The following SYT1 variants were observed in gnomAD, a reference collection of about 807,000 sequenced individuals.
SYT1 encodes synaptotagmin 1.
Under a neutral mutation model 44.8 loss-of-function variants are expected in SYT1, and 8 were observed. The ratio of observed to expected loss-of-function variants is 0.18; its 90% CI spans 0.10 to 0.32. The LOEUF (loss-of-function observed/expected upper bound fraction) is 0.32. Among genes scored for constraint, SYT1 ranks in the 10% least tolerant of loss-of-function variants. The pLI is 1.00. For synonymous variants in SYT1, 154 were observed against 188.8 expected (o/e 0.82, Z 1.51); for missense variants, 286 against 509.3 (o/e 0.56, Z 4.22).
chr12:78,910,614 G>A (rs558587794), intron 1 of SYT1, among the ~76,000 whole-genome samples: 3 of 151,920 alleles, frequency 2.0e-5, no homozygotes, highest in African/African-American at 4.8e-5. Context: ...GAGTAAACAC[G>A]CAACAAGCAA....
intron 3 of SYT1, among the ~76,000 whole-genome samples, chr12:79,146,575 G>A (rs979036975): frequency 2.0e-5 from 3 of 152,186 alleles, no homozygotes; most frequent in Non-Finnish European, 4.4e-5. Flanking sequence ...TTTGAGTAGT[G>A]TGAAATGCTA....
intron 3 of SYT1, among the ~76,000 whole-genome samples, chr12:79,122,859 C>T (rs1399098710): frequency 6.6e-6 from 1 of 152,134 alleles, no homozygotes; most frequent in Non-Finnish European, 1.5e-5. Flanking sequence ...AGTTATAATT[C>T]TAACTGTTCA....
chr12:79,232,805 T>C (rs1402541812), intron 4 of SYT1, among the ~76,000 whole-genome samples: 2 of 152,132 alleles, frequency 1.3e-5, no homozygotes, highest in Non-Finnish European at 2.9e-5. Flanking sequence ...TCAAAGGCCC[T>C]CATATCAAGT....
At chr12:79,159,395 TTATCTG>T (rs1243757118) in intron 3 of SYT1, among the ~76,000 whole-genome samples, 5 of 152,186 alleles carry the variant, frequency 3.3e-5, no homozygotes, top group Non-Finnish European at 7.4e-5. Flanking sequence ...TAGTCCCCCC[TTATCTG>T]TGGATTGCTT....
chr12:79,218,511 A>G (rs1874952804), intron 4 of SYT1, among the ~76,000 whole-genome samples: 3 of 152,152 alleles, frequency 2.0e-5, no homozygotes, highest in Admixed American at 2.0e-4. Context: ...TTAGACCAAC[A>G]TCTCCCCAAT....
At chr12:79,189,828 C>G (rs1410474353) in intron 3 of SYT1, among the ~76,000 whole-genome samples, 1 of 152,132 alleles carries the variant, frequency 6.6e-6, no homozygotes, top group East Asian at 1.9e-4. Flanking sequence ...CACTTGAACC[C>G]AGGAGGCGGA....
intron 9 of SYT1, among the ~76,000 whole-genome samples, chr12:79,424,953 CTTTT>C (rs398040025): frequency 4.7e-5 from 4 of 85,248 alleles, no homozygotes; most frequent in East Asian, 3.4e-4. Flanking sequence ...TTTTCTTCTT[CTTTT>C]TTTTTTTTTT....
At chr12:79,036,542 G>C (rs1051824587) in intron 2 of SYT1, 1 of 151,726 alleles carries the variant, frequency 6.6e-6, no homozygotes, top group Non-Finnish European at 1.5e-5. Context: ...GATGCTAAAC[G>C]TGGAAGCAGG....
chr12:78,964,312 A>T (rs1879660231), intron 1 of SYT1, among the ~76,000 whole-genome samples: 1 of 152,204 alleles, frequency 6.6e-6, no homozygotes, highest in Non-Finnish European at 1.5e-5. Context: ...ATTATGTCAA[A>T]ACCCAACTTA....
chr12:79,179,253 TAG>T (rs1872227986), intron 3 of SYT1, among the ~76,000 whole-genome samples: 1 of 108,814 alleles, frequency 9.2e-6, no homozygotes, highest in African/African-American at 3.6e-5. Flanking sequence ...GATATAGATA[TAG>T]ATATAGATAT....
At chr12:79,131,202 T>A (rs1158451859) in intron 3 of SYT1, among the ~76,000 whole-genome samples, 1 of 152,032 alleles carries the variant, frequency 6.6e-6, no homozygotes, top group Admixed American at 6.6e-5. Context: ...GTTACATAGG[T>A]ATACATGTGC....
intron 4 of SYT1, among the ~76,000 whole-genome samples, chr12:79,249,088 C>CTTTCTTTTTTT (rs1877025840): frequency 8.4e-5 from 6 of 71,816 alleles, no homozygotes; most frequent in African/African-American, 3.7e-4. Flanking sequence ...TTACCTCTTT[C>CTTTCTTTTTTT]TTTTTTTTTT....
At chr12:79,298,633 A>G (rs1879987437) in intron 7 of SYT1, among the ~76,000 whole-genome samples, 2 of 152,310 alleles carry the variant, frequency 1.3e-5, no homozygotes, top group South Asian at 4.1e-4. Context: ...AATATTAAAA[A>G]TGTCACTAAT....
At chr12:79,314,586 T>C (rs1880990164) in intron 8 of SYT1, among the ~76,000 whole-genome samples, 1 of 152,284 alleles carries the variant, frequency 6.6e-6, no homozygotes, top group East Asian at 1.9e-4. Context: ...TTGGCAAAGA[T>C]GTGAAAAAAT....
intron 1 of SYT1, among the ~76,000 whole-genome samples, chr12:78,938,477 G>T (rs1878182656): frequency 6.6e-6 from 1 of 152,078 alleles, no homozygotes; most frequent in African/African-American, 2.4e-5. Flanking sequence ...CTATTATATT[G>T]CCTGTTTTAT....
At chr12:79,253,080 TA>T (rs1308931073) in intron 4 of SYT1, among the ~76,000 whole-genome samples, 1 of 152,132 alleles carries the variant, frequency 6.6e-6, no homozygotes, top group African/African-American at 2.4e-5. Context: ...AGGTTTCCAT[TA>T]TATCTTACTG....
At chr12:79,403,441 G>T (rs575442844) in intron 9 of SYT1, among the ~76,000 whole-genome samples, 9 of 152,272 alleles carry the variant, frequency 5.9e-5, no homozygotes, top group Admixed American at 5.2e-4. Flanking sequence ...CTCTTCTTCA[G>T]GGGAGGTCTT....
intron 5 of SYT1, among the ~76,000 whole-genome samples, chr12:79,291,493 C>T (rs1879579243): frequency 6.6e-6 from 1 of 152,076 alleles, no homozygotes; most frequent in Non-Finnish European, 1.5e-5. Flanking sequence ...ATATGTGAAA[C>T]ACAGGGAATT....
intron 4 of SYT1, among the ~76,000 whole-genome samples, chr12:79,258,081 G>A (rs558586549): frequency 3.5e-5 from 5 of 143,396 alleles, no homozygotes; most frequent in Non-Finnish European, 7.5e-5. Context: ...AATATAAAAA[G>A]TGATTATTTG....
Sources: gnomAD v4.1 joint callset for allele counts (sites outside exome capture counted in the v4.1 genomes callset) on GRCh38, gnomAD v4.1.1 for gene constraint, MANE v1.5 for transcripts, NCBI Gene and HGNC (gene_info 2026-07-23, HGNC 2026-07-21) for gene names.